The following KAZN variants were observed in gnomAD, a reference collection of about 807,000 sequenced individuals.
KAZN encodes kazrin.
In KAZN, 40 loss-of-function variants were observed where a neutral mutation model predicts 87.4. The ratio of observed to expected loss-of-function variants is 0.46; its 90% confidence interval spans 0.36 to 0.60. KAZN has a LOEUF of 0.60. Ranked by LOEUF, KAZN falls within the 20% of genes least tolerant of loss-of-function variation. The probability of loss-of-function intolerance (pLI) is 0.00; values close to 1 mark genes in which losing one functional copy is unlikely to be tolerated. For missense variants in KAZN, 898 were observed against 1,073.9 expected (o/e 0.84, Z 2.29); for synonymous variants, 466 against 458.3 (o/e 1.02, Z -0.22).
At chr1:14,361,678 G>A (rs951987820) in intron 2 of KAZN, among the ~76,000 whole-genome samples, 3 of 152,184 alleles carry the variant, frequency 2.0e-5, no homozygotes, top group South Asian at 2.1e-4. Context: ...AGTCCCTCAC[G>A]GCTCCCTTGG....
intron 1 of KAZN, among the ~76,000 whole-genome samples, chr1:14,959,791 C>T (rs1355022683): frequency 1.3e-5 from 2 of 152,156 alleles, no homozygotes; most frequent in East Asian, 3.9e-4. Context: ...GTGAGCTGAC[C>T]TGGGCATGGG....
chr1:14,076,554 C>T (rs1280396239), intron 1 of KAZN, among the ~76,000 whole-genome samples: 1 of 152,164 alleles, frequency 6.6e-6, no homozygotes, highest in East Asian at 1.9e-4. Context: ...GTCTGTGGTA[C>T]TTGGTTAGGA....
At chr1:14,380,435 C>G (rs1459402607) in intron 2 of KAZN, among the ~76,000 whole-genome samples, 1 of 152,164 alleles carries the variant, frequency 6.6e-6, no homozygotes, top group Non-Finnish European at 1.5e-5. Context: ...TTCAAAAGTG[C>G]TGTGTTGAAG....
intron 2 of KAZN, among the ~76,000 whole-genome samples, chr1:14,283,783 C>T (rs1225253696): frequency 6.6e-6 from 1 of 152,104 alleles, no homozygotes; most frequent in Non-Finnish European, 1.5e-5. Context: ...TTAACATATA[C>T]AGGTATGAAA....
intron 3 of KAZN, among the ~76,000 whole-genome samples, chr1:15,041,855 A>G (rs936095116): frequency 6.6e-6 from 1 of 151,548 alleles, no homozygotes; most frequent in African/African-American, 2.4e-5. Context: ...CCTCTACCAC[A>G]CTGTCTATGA....
chr1:14,634,928 G>A (rs1380978242), intron 1 of KAZN, among the ~76,000 whole-genome samples: 6 of 152,188 alleles, frequency 3.9e-5, no homozygotes, highest in Admixed American at 6.5e-5. Context: ...TGGGCTGAAA[G>A]TGTGACTGCA....
chr1:14,394,855 T>G (rs1662761012), intron 2 of KAZN, among the ~76,000 whole-genome samples: 1 of 152,236 alleles, frequency 6.6e-6, no homozygotes, highest in African/African-American at 2.4e-5. Flanking sequence ...TAAGTTAGAC[T>G]GATATGCCCA....
At chr1:14,400,250 T>TAGAG (rs1392149006) in intron 2 of KAZN, among the ~76,000 whole-genome samples, 1 of 152,102 alleles carries the variant, frequency 6.6e-6, no homozygotes, top group African/African-American at 2.4e-5. Context: ...AATCTCAACA[T>TAGAG]CTCTAAGAGC....
chr1:15,027,113 G>A lies in KAZN; in HGVS notation c.419-7636G>A, dbSNP rs547066100. On this transcript the variant is annotated intron_variant, in intron 2 of 14. Coordinates refer to ENST00000376030, the MANE Select transcript of KAZN (RefSeq NM_201628.3). ...TTTTTTTTTTTTGAGACAGAGTCTC[G>A]CTCTGTCGCCCAGGCTGGAGTGCAG... Among the ~76,000 whole-genome samples the A allele has an allele frequency of 3.1e-4, 31 of 100,814 alleles. 1 individual carries two copies. The highest frequency in any genetic ancestry group is 3.9e-4 in the African/African-American group (10 of 25,456). 66.1% of individuals were successfully genotyped at this position (100,814 alleles called of 152,430 possible).
intron 1 of KAZN, among the ~76,000 whole-genome samples, chr1:14,913,968 C>T (rs543203732): frequency 2.0e-5 from 3 of 152,306 alleles, no homozygotes; most frequent in East Asian, 1.9e-4. Context: ...TACATAATTC[C>T]GACACCACAG....
intron 7 of KAZN, among the ~76,000 whole-genome samples, 182 bp downstream of exon 7, chr1:15,063,804 C>T (rs1318631227): frequency 6.6e-6 from 1 of 151,452 alleles, no homozygotes; most frequent in Non-Finnish European, 1.5e-5. Context: ...ATGCCACTTC[C>T]GCTGAGCCCA....
At chr1:14,609,713 A>G (rs966850255) in intron 1 of KAZN, among the ~76,000 whole-genome samples, 2 of 152,252 alleles carry the variant, frequency 1.3e-5, no homozygotes, top group African/African-American at 4.8e-5. Context: ...ATCTCTTTGC[A>G]GAATCCAAAG....
intron 1 of KAZN, among the ~76,000 whole-genome samples, chr1:14,627,307 G>A (rs1679215794): frequency 1.3e-5 from 2 of 152,064 alleles, no homozygotes; most frequent in South Asian, 4.2e-4. Context: ...AGCCTGCTTA[G>A]TGTGCTTGAG....
At chr1:14,947,273 A>T (rs1408569035) in intron 1 of KAZN, among the ~76,000 whole-genome samples, 3 of 151,744 alleles carry the variant, frequency 2.0e-5, no homozygotes, top group Non-Finnish European at 4.4e-5. Flanking sequence ...TTTTTTCCTC[A>T]AGGGTGGGGA....
intron 2 of KAZN, among the ~76,000 whole-genome samples, chr1:14,259,857 C>T (rs1650871298): frequency 6.6e-6 from 1 of 152,224 alleles, no homozygotes; most frequent in Non-Finnish European, 1.5e-5. Flanking sequence ...TGCCTTTTGA[C>T]TGGGTCCAGG....
intron 1 of KAZN, among the ~76,000 whole-genome samples, chr1:14,771,425 C>T (rs962848362): frequency 6.6e-6 from 1 of 152,094 alleles, no homozygotes; most frequent in African/African-American, 2.4e-5. Flanking sequence ...TTGATCGGGT[C>T]CTAATGAGTC....
At chr1:14,061,527 C>A (rs747416339) in intron 1 of KAZN, among the ~76,000 whole-genome samples, 5 of 152,174 alleles carry the variant, frequency 3.3e-5, no homozygotes, top group Non-Finnish European at 5.9e-5. Flanking sequence ...GGAAAATGCT[C>A]AAAAAGAGGC....
chr1:15,104,322 G>A, intron 13 of KAZN, 133 bp downstream of exon 13: 1 of 946,964 alleles, frequency 1.1e-6, no homozygotes. Flanking sequence ...CACCATGGTG[G>A]TCACCTTTTA....
chr1:14,245,204 A>T (rs1649383003), intron 2 of KAZN, among the ~76,000 whole-genome samples: 1 of 151,988 alleles, frequency 6.6e-6, no homozygotes, highest in South Asian at 2.1e-4. Context: ...ACCTCAAGTC[A>T]TCCTCCCACC....
Sources: allele counts gnomAD v4.1 joint callset (sites outside exome capture counted in the v4.1 genomes callset), GRCh38; gene constraint gnomAD v4.1.1; transcripts MANE v1.5; gene names NCBI Gene and HGNC (gene_info 2026-07-23, HGNC 2026-07-21).